The following IL33 variants were observed in gnomAD, a reference collection of about 807,000 sequenced individuals.
The protein encoded by IL33 is interleukin-33.
A neutral mutation model predicts 27.3 loss-of-function variants in IL33; 37 were observed. The observed-to-expected ratio is 1.36, with a 90% confidence interval of 1.04 to 1.78. The LOEUF is 1.78. IL33 is among the 40% of genes most tolerant of loss of function. IL33 has a pLI of 0.00. For missense variants in IL33, 406 were observed against 311.4 expected (o/e 1.30, Z -2.29); for synonymous variants, 132 against 102.9 (o/e 1.28, Z -1.71).
intron 2 of IL33, chr9:6,242,810 G>A (rs1007803664): frequency 1.3e-5 from 2 of 152,372 alleles, no homozygotes; most frequent in African/African-American, 4.8e-5. Flanking sequence ...AACAAAAGAG[G>A]TTTATTTGGT....
At chr9:6,251,056 A>G (rs1816323900) in intron 3 of IL33, 84 bp from the exon 4 acceptor site, 7 of 1,536,318 alleles carry the variant, frequency 4.6e-6, no homozygotes, top group Non-Finnish European at 6.1e-6. Context: ...ACTCTCAGCA[A>G]GCAGCCTTAA....
chr9:6,231,709 T>G (rs1407016889), intron 1 of IL33, among the ~76,000 whole-genome samples: 5 of 152,178 alleles, frequency 3.3e-5, no homozygotes, highest in Non-Finnish European at 7.3e-5. Context: ...GAAGTAGTAT[T>G]TTATTTATTA....
chr9:6,233,351 CT>C (rs1274461961), intron 1 of IL33, among the ~76,000 whole-genome samples: 1 of 152,162 alleles, frequency 6.6e-6, no homozygotes, highest in Admixed American at 6.5e-5. Context: ...CACATCTTCT[CT>C]CATTCTCTCA....
At chr9:6,247,269 A>G (rs1819913128) in intron 2 of IL33, among the ~76,000 whole-genome samples, 1 of 152,234 alleles carries the variant, frequency 6.6e-6, no homozygotes, top group Non-Finnish European at 1.5e-5. Flanking sequence ...GTAGTCAGAG[A>G]GAAACAAGAA....
chr9:6,235,548 T>C (rs751091189), intron 1 of IL33, among the ~76,000 whole-genome samples: 5 of 152,316 alleles, frequency 3.3e-5, no homozygotes, highest in Admixed American at 6.5e-5. Flanking sequence ...TGAAAACTTA[T>C]GTATGGCCAA....
At chr9:6,228,701 A>C (rs529779136) in intron 1 of IL33, among the ~76,000 whole-genome samples, 109 of 152,182 alleles carry the variant, frequency 7.2e-4, no homozygotes, top group African/African-American at 2.5e-3. Context: ...TACAAAAATA[A>C]AAATTTAGCC....
At chr9:6,251,572 T>C (rs1358753995) in intron 4 of IL33, among the ~76,000 whole-genome samples, 5 of 152,102 alleles carry the variant, frequency 3.3e-5, no homozygotes, top group South Asian at 2.1e-4. Flanking sequence ...AAACACATTT[T>C]CCCCCCAAAT....
Position 6,253,664 on chromosome 9 carries a change from C to A in IL33, c.520+62C>A, listed in dbSNP as rs1017509513. On this transcript the variant is annotated intron_variant, in intron 6 of 7. Coordinates refer to ENST00000682010, the MANE Select transcript of IL33 (RefSeq NM_033439.4). The stretch of plus-strand genomic sequence containing the variant: ...TCTTAAGTATGGGGTAAAGATAAAT[C>A]CAAAAAAATCCTTTTTGCCCCATAG... The A allele has an allele frequency of 3.1e-6, 4 of 1,298,428 alleles. No individual in the cohort carries two copies. The South Asian group carries it at 5.3e-5, about 17-fold the overall frequency. The allele number at this position is 1,298,428 out of a possible 1,614,324, so 80.4% of individuals were successfully genotyped here.
intron 2 of IL33, among the ~76,000 whole-genome samples, chr9:6,244,633 G>A (rs1466402621): frequency 6.6e-6 from 1 of 152,120 alleles, no homozygotes; most frequent in Non-Finnish European, 1.5e-5. Context: ...ACAGATGGGG[G>A]CAAGCAGGAT....
chr9:6,223,422 A>G (rs1818495894), intron 1 of IL33, among the ~76,000 whole-genome samples: 1 of 151,840 alleles, frequency 6.6e-6, no homozygotes, highest in African/African-American at 2.4e-5. Flanking sequence ...AGTTTTTAAA[A>G]TCTTGTTCTG....
rs1816763969 is a variant in IL33 at position 6,256,918 on chromosome 9, G to A, written c.*750G>A. The A allele has an allele frequency of 1.3e-5, 2 of 152,128 alleles. No homozygotes were observed. Among genetic ancestry groups the A allele is most frequent in the South Asian group, 2.1e-4 (1 of 4,816 alleles). The allele number at this position is 152,128 out of a possible 1,614,324, so 9.4% of individuals were successfully genotyped here. A position where few individuals can be genotyped will look rare whatever the true frequency, so the allele number is the denominator to read the frequency against. On this transcript the variant is annotated 3_prime_UTR_variant, in exon 8 of 8. Transcript: ENST00000682010. ...GTTTAAGCAAGGCATTCTTACACGA[G>A]GAAGTGAAGTAAATTTTAGTTCAGA...
chr9:6,254,300 G>A (rs1816594631), intron 6 of IL33, among the ~76,000 whole-genome samples, 162 bp from the exon 7 acceptor site: 1 of 152,160 alleles, frequency 6.6e-6, no homozygotes. Context: ...CTACTTATCA[G>A]TGCCTCTTGA....
In IL33 at chr9:6,253,115, C is replaced by T. The variant is rs79807837; in HGVS notation, c.469+124C>T. The T allele has an allele frequency of 1.8e-3, 1,190 of 675,494 alleles. 10 individuals are homozygous for T. Among genetic ancestry groups the T allele is most frequent in the African/African-American group, 0.014 (752 of 54,922 alleles). 41.8% of individuals were successfully genotyped at this position (675,494 alleles called of 1,614,324 possible). A position where few individuals can be genotyped will look rare whatever the true frequency, so the allele number is the denominator to read the frequency against. ...CATGGCAAACAGGTCATGCTGTGTG[C>T]TAACTCTAATGCATTGGCAGTGGGT... On this transcript the variant is annotated intron_variant, in intron 5 of 7. Transcript: ENST00000682010.
Position 6,254,593 on chromosome 9 carries a change from A to G in IL33, c.612+40A>G, listed in dbSNP as rs190731328. Reference sequence around the variant, plus strand: ...TTTATCTATATCTATATATATGATTACAGAACTGTCATGAATGACTCCACC... The same window carrying G: ...TTTATCTATATCTATATATATGATTGCAGAACTGTCATGAATGACTCCACC... On this transcript the variant is annotated intron_variant, in intron 7 of 7. Coordinates refer to ENST00000682010, the MANE Select transcript of IL33 (RefSeq NM_033439.4). 4.7e-5 allele frequency: 58 copies of G among 1,228,856 alleles called. 1 individual carries two copies. The East Asian group carries it at 9.9e-4, about 21-fold the overall frequency. The allele number at this position is 1,228,856 out of a possible 1,614,324, so 76.1% of individuals were successfully genotyped here.
At chr9:6,241,602 TTTGGTAGTGAG>T (rs1819531264) in intron 1 of IL33, 71 bp from the exon 2 acceptor site, 5 of 719,408 alleles carry the variant, frequency 7.0e-6, no homozygotes, top group Non-Finnish European at 1.2e-5. Flanking sequence ...ATGTTACCAA[TTTGGTAGTGAG>T]CTAGCCACAG....
rs1816725118 is a variant in IL33 at position 6,256,253 on chromosome 9, C to A, written c.*85C>A. On this transcript the variant is annotated 3_prime_UTR_variant, in exon 8 of 8. Transcript: ENST00000682010. ...GAGAGATAAAGAAAGAGACAGGTGA[C>A]ATCTAAGGGAAATGAAGAGTGCTTA... is the stretch of plus-strand genomic sequence containing the variant. 1 of 955,644 alleles carries A rather than the reference C, an allele frequency of 1.0e-6. No individual in the cohort carries two copies. The highest frequency in any genetic ancestry group is 2.0e-5 in the Admixed American group (1 of 49,612). The allele number at this position is 955,644 out of a possible 1,614,324, so 59.2% of individuals were successfully genotyped here.
chr9:6,244,171 C>A (rs1241940867), intron 2 of IL33, among the ~76,000 whole-genome samples: 1 of 152,132 alleles, frequency 6.6e-6, no homozygotes, highest in African/African-American at 2.4e-5. Context: ...AAATGTAACC[C>A]CTCCTTTAAG....
intron 2 of IL33, chr9:6,242,542 A>C (rs537137612): frequency 2.6e-5 from 4 of 152,252 alleles, no homozygotes; most frequent in Non-Finnish European, 5.9e-5. Flanking sequence ...AGAAGTGTTC[A>C]AGAATGTTAA....
In IL33 at chr9:6,224,821, A is replaced by G. The variant is rs957307324; in HGVS notation, c.-12+8969A>G. Among the ~76,000 whole-genome samples, 6 of 152,288 alleles carry G rather than the reference A, an allele frequency of 3.9e-5. No homozygotes were observed. The East Asian group carries it at 1.2e-3, about 29-fold the overall frequency. On this transcript the variant is annotated intron_variant, in intron 1 of 7. Transcript: ENST00000682010. ...GCAAACTGTTTTCCTTTGTGGATCT[A>G]AGGTATGAACTTTTCAGAAAACAAT... is the stretch of plus-strand genomic sequence containing the variant.
Sources: gnomAD v4.1 joint callset for allele counts (sites outside exome capture counted in the v4.1 genomes callset) on GRCh38, gnomAD v4.1.1 for gene constraint, MANE v1.5 for transcripts, NCBI Gene and HGNC (gene_info 2026-07-23, HGNC 2026-07-21) for gene names.